Variants in ANO1 observed in about 807,000 individuals in gnomAD.
ANO1 encodes the protein anoctamin 1.
ANO1 carries 59 observed loss-of-function variants against 124.0 expected under a neutral mutation model. That is an observed-to-expected ratio of 0.48 (90% CI 0.39 to 0.59). ANO1 has a LOEUF of 0.59. ANO1 is among the 20% of genes least tolerant of loss of function. The pLI, the probability that ANO1 is intolerant of heterozygous loss-of-function variation, is 0.00. For synonymous variants in ANO1, 529 were observed against 532.0 expected, an observed-to-expected ratio of 0.99 and a Z score of 0.08; for missense variants, 1,059 against 1,328.0, an observed-to-expected ratio of 0.80 and a Z score of 3.15.
At chr11:69,972,186 CAAAAAAA>C in the ANO1 span, among the ~76,000 whole-genome samples, 51 of 86,550 alleles carry the variant, frequency 5.9e-4, 1 homozygote, top group Admixed American at 3.0e-3. Context: ...GACTCCGTCT[CAAAAAAA>C]AAAAAAAAAA....
Position 70,131,916 on chromosome 11 carries a change from C to A in ANO1, c.1098-3C>A, listed in dbSNP as rs1341850563. The A allele has an allele frequency of 1.9e-6, 3 of 1,603,668 alleles. No individual in the cohort carries two copies. The South Asian group carries it at 3.3e-5, about 18-fold the overall frequency. ...GACTCCAGGGCTGCCCCCTCTCTTG[C>A]AGCATGGAGATGTGTGACCAGAGAC... On this transcript the variant is annotated splice_region_variant and splice_polypyrimidine_tract_variant and intron_variant, in intron 10 of 25. Coordinates refer to ENST00000355303, the MANE Select transcript of ANO1 (RefSeq NM_018043.7).
intron 8 of ANO1, among the ~76,000 whole-genome samples, chr11:70,118,187 ACCCCCTCTT>A (rs1357999915): frequency 7.0e-6 from 1 of 143,228 alleles, no homozygotes; most frequent in Non-Finnish European, 1.5e-5. Context: ...CCTGAACCCT[ACCCCCTCTT>A]CCCCCTCCTC....
Position 70,118,694 on chromosome 11 carries a change from GAT to G in ANO1, c.897+2196_897+2197del, listed in dbSNP as rs1231809424. 9.3e-5 allele frequency among the ~76,000 whole-genome samples: 14 copies of G among 150,972 alleles called. 1 individual carries two copies. In the East Asian group the frequency reaches 2.8e-3, roughly 30 times the overall value. ...TGGGTGGGTGGATGGATGGTGGAGA[GAT>G]GAATGATGGTTGATGGATGAGTGGG... On this transcript the variant is annotated intron_variant, in intron 8 of 25. Transcript: ENST00000355303.
chr11:69,988,640 T>G (rs1856093603), intron 1 of ANO1, among the ~76,000 whole-genome samples: 2 of 152,284 alleles, frequency 1.3e-5, no homozygotes, highest in African/African-American at 2.4e-5. Flanking sequence ...GAGCAATTGA[T>G]TGGTACAGAT....
intron 8 of ANO1, among the ~76,000 whole-genome samples, chr11:70,117,190 C>T (rs755556965): frequency 1.3e-5 from 2 of 150,412 alleles, no homozygotes; most frequent in African/African-American, 2.5e-5. Context: ...CCTGACTCAG[C>T]CTCCAGAGTA....
chr11:70,165,574 AGT>A lies in ANO1; in HGVS notation c.2051+8_2051+9del. ...ACCTGTTCGAGATCGGCATCCCGTG[AGT>A]GTGCTGCAGCGGGTTAGAGCGGCAG... On this transcript the variant is annotated splice_donor_5th_base_variant and intron_variant, in intron 20 of 25. Transcript: ENST00000355303. 6.2e-7 allele frequency: 1 copy of A among 1,607,830 alleles called. No homozygotes were observed. The highest frequency in any genetic ancestry group is 8.5e-7 in the Non-Finnish European group (1 of 1,177,014).
intron 1 of ANO1, among the ~76,000 whole-genome samples, chr11:70,087,321 T>G (rs1318518601): frequency 6.6e-6 from 1 of 152,216 alleles, no homozygotes; most frequent in East Asian, 1.9e-4. Flanking sequence ...TACAATTAAA[T>G]TATTATTGAT....
chr11:70,161,263 C>T lies in ANO1; in HGVS notation c.1681C>T (p.Arg561Trp), dbSNP rs1555047278. ...NSSPSVRSNI[R>W]VTVTATAVII... ...CTCCCCCTCCGTGCGGTCCAACATC[C>T]GGGTCACAGTCACAGCCACCGCAGT... Residue 561 changes from arginine to tryptophan, a missense_variant, in exon 17 of 26, where the codon CGG becomes TGG. Physicochemically the swap from Arg to Trp is moderately radical, Grantham distance 101. Coordinates refer to ENST00000355303, the MANE Select transcript of ANO1 (RefSeq NM_018043.7). The T allele has an allele frequency of 1.2e-6, 2 of 1,613,900 alleles. No homozygotes were observed. The highest frequency in any genetic ancestry group is 1.7e-5 in the Admixed American group (1 of 60,032).
At chr11:70,130,652 A>G (rs2046716122) in intron 10 of ANO1, among the ~76,000 whole-genome samples, 1 of 152,184 alleles carries the variant, frequency 6.6e-6, no homozygotes, top group Non-Finnish European at 1.5e-5. Context: ...CACAGAGATG[A>G]GTCTCAGGCA....
chr11:70,016,024 C>CT (rs5792504), intron 1 of ANO1, among the ~76,000 whole-genome samples: 23 of 147,794 alleles, frequency 1.6e-4, no homozygotes, highest in African/African-American at 3.2e-4. Context: ...TCCTTTCTTT[C>CT]TTTTTTTTTT....
intron 1 of ANO1, among the ~76,000 whole-genome samples, chr11:70,065,861 C>A (rs1390027779): frequency 6.6e-6 from 1 of 152,212 alleles, no homozygotes; most frequent in African/African-American, 2.4e-5. Context: ...GATGTCACTT[C>A]CCCGGAAGGG....
At chr11:70,152,912 C>A in intron 13 of ANO1, 145 bp from the exon 14 acceptor site, 1 of 690,442 alleles carries the variant, frequency 1.4e-6, no homozygotes, top group Non-Finnish European at 2.5e-6. Flanking sequence ...GGTGATTACA[C>A]TGGAAATATT....
At chr11:70,168,931 C>T (rs754895901) in intron 21 of ANO1, among the ~76,000 whole-genome samples, 2 of 150,708 alleles carry the variant, frequency 1.3e-5, no homozygotes, top group African/African-American at 4.8e-5. Flanking sequence ...TTCAGTGTGG[C>T]GTTCTGTGGC....
At chr11:69,972,598 T>C in the ANO1 span, among the ~76,000 whole-genome samples, 1 of 152,228 alleles carries the variant, frequency 6.6e-6, no homozygotes, top group Non-Finnish European at 1.5e-5. Context: ...GGTTTTGTTG[T>C]TAGTGCTTTC....
At chr11:70,055,522 G>C (rs574755812) in intron 1 of ANO1, among the ~76,000 whole-genome samples, 2 of 152,020 alleles carry the variant, frequency 1.3e-5, no homozygotes, top group South Asian at 4.1e-4. Context: ...TGGAATATTA[G>C]TATTTTTCCA....
chr11:70,024,122 G>A (rs113140851), intron 1 of ANO1, among the ~76,000 whole-genome samples: 42 of 152,364 alleles, frequency 2.8e-4, no homozygotes, highest in African/African-American at 9.4e-4. Flanking sequence ...CAGATGGCAG[G>A]CACAGCTCCT....
At chr11:70,031,858 G>T (rs1324559288) in intron 1 of ANO1, among the ~76,000 whole-genome samples, 1 of 152,192 alleles carries the variant, frequency 6.6e-6, no homozygotes, top group African/African-American at 2.4e-5. Flanking sequence ...GCCTCCTCTG[G>T]CATCAGGGAG....
In ANO1 at chr11:70,180,029, C is replaced by T; in HGVS notation, c.2376C>T (p.Gly792=). ...DIGIWYNILR[G]IGKLAVIINA... ...GAATCTGGTACAATATCCTCAGAGG[C>T]ATTGGGAAGCTTGCTGTCATCATCA... Residue 792 remains glycine (G), a synonymous_variant, in exon 23 of 26, where the codon GGC becomes GGT. Transcript: ENST00000355303. 1 of 1,613,246 alleles carries T rather than the reference C, an allele frequency of 6.2e-7. No individual in the cohort carries two copies. Among genetic ancestry groups the T allele is most frequent in the Non-Finnish European group, 8.5e-7 (1 of 1,179,272 alleles).
chr11:70,167,221 G>T (rs773439444), intron 20 of ANO1, 21 bp from the exon 21 acceptor site: 2 of 1,613,374 alleles, frequency 1.2e-6, no homozygotes, highest in Non-Finnish European at 1.7e-6. Context: ...AAACCTAACT[G>T]CATGATGTCT....
Sources: gnomAD v4.1 joint callset for allele counts (sites outside exome capture counted in the v4.1 genomes callset) on GRCh38, gnomAD v4.1.1 for gene constraint, MANE v1.5 for transcripts, NCBI Gene and HGNC (gene_info 2026-07-23, HGNC 2026-07-21) for gene names.